NRG3: variants seen among roughly 807,000 people sequenced by gnomAD.
NRG3 encodes the protein neuregulin 3, also known as pro-neuregulin-3, membrane-bound isoform.
In NRG3, 31 loss-of-function variants were observed where a neutral mutation model predicts 66.9. That is an observed-to-expected ratio of 0.46 (90% CI 0.35 to 0.63). The LOEUF (loss-of-function observed/expected upper bound fraction) is 0.63. Among genes scored for constraint, NRG3 ranks in the 20% least tolerant of loss-of-function variants. The probability of loss-of-function intolerance (pLI) is 0.00; values close to 1 mark genes in which losing one functional copy is unlikely to be tolerated. For synonymous variants in NRG3, 393 were observed against 359.4 expected (o/e 1.09, Z -1.06); for missense variants, 910 against 878.9 (o/e 1.04, Z -0.45).
chr10:82,749,165 A>T (rs2134907503), intron 3 of NRG3, among the ~76,000 whole-genome samples: 2 of 152,246 alleles, frequency 1.3e-5, no homozygotes, highest in South Asian at 4.1e-4. Context: ...CAGTCGGAGT[A>T]GGGAAGGCTT....
At chr10:82,042,014 A>G (rs1257930397) in intron 1 of NRG3, among the ~76,000 whole-genome samples, 1 of 152,044 alleles carries the variant, frequency 6.6e-6, no homozygotes, top group Non-Finnish European at 1.5e-5. Flanking sequence ...CTGAACCCAG[A>G]TTCTTTGAGT....
At chr10:82,960,163 A>T (rs1850486411) in intron 6 of NRG3, among the ~76,000 whole-genome samples, 1 of 152,264 alleles carries the variant, frequency 6.6e-6, no homozygotes, top group Non-Finnish European at 1.5e-5. Context: ...AGATGATTTA[A>T]TGCAGAATTC....
chr10:82,457,427 A>G (rs1488977939), intron 2 of NRG3, among the ~76,000 whole-genome samples: 4 of 152,076 alleles, frequency 2.6e-5, no homozygotes, highest in African/African-American at 9.7e-5. Flanking sequence ...GCTGTTGCTG[A>G]TCTGACAGGA....
chr10:82,259,818 A>G (rs1258295858), intron 1 of NRG3, among the ~76,000 whole-genome samples: 1 of 152,058 alleles, frequency 6.6e-6, no homozygotes. Context: ...TATAGTCCCA[A>G]CTACTCAGGA....
intron 1 of NRG3, among the ~76,000 whole-genome samples, chr10:81,999,961 G>T (rs1056645994): frequency 3.9e-5 from 6 of 152,066 alleles, no homozygotes; most frequent in Non-Finnish European, 5.9e-5. Context: ...AACTTCCTTT[G>T]CTGATATCTA....
At chr10:82,540,573 T>C (rs930329665) in intron 2 of NRG3, among the ~76,000 whole-genome samples, 2 of 151,900 alleles carry the variant, frequency 1.3e-5, no homozygotes, top group Non-Finnish European at 2.9e-5. Context: ...GTATGCAGCC[T>C]GGAGTGTTGG....
chr10:82,535,729 A>G (rs1847744851), intron 2 of NRG3, among the ~76,000 whole-genome samples: 2 of 152,202 alleles, frequency 1.3e-5, no homozygotes, highest in Admixed American at 6.5e-5. Flanking sequence ...AAATGCTTAA[A>G]TGTCTTAAAC....
intron 1 of NRG3, among the ~76,000 whole-genome samples, chr10:81,930,241 A>G (rs895558142): frequency 6.6e-6 from 1 of 152,158 alleles, no homozygotes. Flanking sequence ...TGCAGACCCC[A>G]TAAGTTAAAG....
chr10:82,327,364 G>T (rs1016109105), intron 1 of NRG3, among the ~76,000 whole-genome samples: 1 of 152,180 alleles, frequency 6.6e-6, no homozygotes, highest in Non-Finnish European at 1.5e-5. Context: ...GCAGTAGATG[G>T]GGCTGAGCTT....
At position 82,816,349 on chromosome 10, in the gene NRG3, C is replaced by T. The variant is rs371702240; in HGVS notation, c.1028-49062C>T. ...GCAACAGAACAGCTCTCAGGAGACCCGAAGTGGGTAGCTCCTTTCCGCAGG... is the reference window on the plus strand; with the variant it reads ...GCAACAGAACAGCTCTCAGGAGACCTGAAGTGGGTAGCTCCTTTCCGCAGG... On this transcript the variant is annotated intron_variant, in intron 3 of 8. Transcript: ENST00000372141. Among the ~76,000 whole-genome samples the T allele has an allele frequency of 1.8e-4, 28 of 152,302 alleles. No homozygotes were observed. The East Asian group carries it at 3.5e-3, about 19-fold the overall frequency.
intron 1 of NRG3, among the ~76,000 whole-genome samples, chr10:82,167,583 A>G (rs1412330009): frequency 1.3e-5 from 2 of 152,038 alleles, no homozygotes; most frequent in Non-Finnish European, 2.9e-5. Flanking sequence ...TATATTTTTT[A>G]TATGAAGGTT....
chr10:82,280,433 T>C (rs1317302728), intron 1 of NRG3, among the ~76,000 whole-genome samples: 5 of 152,184 alleles, frequency 3.3e-5, no homozygotes, highest in Non-Finnish European at 5.9e-5. Flanking sequence ...TTTGGAAGAC[T>C]TTGTCCTAAA....
chr10:82,113,624 C>G (rs1389628905), intron 1 of NRG3, among the ~76,000 whole-genome samples: 1 of 152,094 alleles, frequency 6.6e-6, no homozygotes, highest in African/African-American at 2.4e-5. Flanking sequence ...GACCCTGGAA[C>G]AGATAAAAGA....
chr10:81,946,253 G>A (rs2133143577), intron 1 of NRG3, among the ~76,000 whole-genome samples: 1 of 152,198 alleles, frequency 6.6e-6, no homozygotes, highest in African/African-American at 2.4e-5. Context: ...CTGACCTCAG[G>A]TTATCTACCC....
At chr10:82,482,376 C>T (rs1842344858) in intron 2 of NRG3, among the ~76,000 whole-genome samples, 1 of 152,194 alleles carries the variant, frequency 6.6e-6, no homozygotes, top group Non-Finnish European at 1.5e-5. Context: ...ACTGCAAAGA[C>T]CTGTGTTCTG....
chr10:82,876,018 C>G (rs1393350155), intron 4 of NRG3, among the ~76,000 whole-genome samples: 1 of 152,110 alleles, frequency 6.6e-6, no homozygotes, highest in Non-Finnish European at 1.5e-5. Context: ...GTATGCAGAT[C>G]TATTAATCAT....
chr10:82,837,077 A>AT (rs1286850368), intron 3 of NRG3, among the ~76,000 whole-genome samples: 1 of 152,056 alleles, frequency 6.6e-6, no homozygotes, highest in Non-Finnish European at 1.5e-5. Flanking sequence ...TGAACTCATC[A>AT]TTTTTTATGG....
At chr10:82,351,412 A>G (rs1190535507) in intron 1 of NRG3, among the ~76,000 whole-genome samples, 1 of 152,202 alleles carries the variant, frequency 6.6e-6, no homozygotes, top group Non-Finnish European at 1.5e-5. Flanking sequence ...TGCTTAGGAA[A>G]CATGATGTCA....
At chr10:82,793,090 G>C (rs1038075471) in intron 3 of NRG3, among the ~76,000 whole-genome samples, 1 of 151,706 alleles carries the variant, frequency 6.6e-6, no homozygotes, top group African/African-American at 2.4e-5. Flanking sequence ...TGAAAATGAA[G>C]ATTTAAAAAA....
Sources: gnomAD v4.1 joint callset for allele counts (sites outside exome capture counted in the v4.1 genomes callset) on GRCh38, gnomAD v4.1.1 for gene constraint, MANE v1.5 for transcripts, NCBI Gene and HGNC (gene_info 2026-07-23, HGNC 2026-07-21) for gene names.